EFR3A: variants seen among roughly 807,000 people sequenced by gnomAD.
EFR3A encodes the protein EFR3 homolog A, also known as protein EFR3 homolog A.
Under a neutral mutation model 104.4 loss-of-function variants are expected in EFR3A, and 76 were observed. The observed-to-expected ratio is 0.73, with a 90% CI of 0.60 to 0.88. EFR3A has a LOEUF of 0.88. Ranked by LOEUF, EFR3A falls within the 40% of genes least tolerant of loss-of-function variation. The pLI is 0.00. For synonymous variants in EFR3A, 330 were observed against 330.0 expected (o/e 1.00, Z 0.00); for missense variants, 985 against 1,012.5 (o/e 0.97, Z 0.37).
At chr8:131,949,292 C>T (rs767312835) in intron 4 of EFR3A, among the ~76,000 whole-genome samples, 203 of 151,984 alleles carry the variant, frequency 1.3e-3, no homozygotes, top group Non-Finnish European at 2.0e-3. Flanking sequence ...ATATTATTTT[C>T]ATTTTATAGA....
At chr8:131,949,063 T>G (rs559326779) in intron 4 of EFR3A, among the ~76,000 whole-genome samples, 1 of 152,158 alleles carries the variant, frequency 6.6e-6, no homozygotes, top group South Asian at 2.1e-4. Flanking sequence ...GTGTGGAGCA[T>G]AATATAGTAT....
chr8:131,925,027 G>A (rs1817232627), intron 1 of EFR3A, among the ~76,000 whole-genome samples: 2 of 152,106 alleles, frequency 1.3e-5, no homozygotes, highest in Admixed American at 6.6e-5. Flanking sequence ...GAGTTGGAAT[G>A]TCATGTGCTT....
intron 1 of EFR3A, among the ~76,000 whole-genome samples, chr8:131,911,408 A>C (rs1389808108): frequency 6.6e-6 from 1 of 152,218 alleles, no homozygotes; most frequent in African/African-American, 2.4e-5. Flanking sequence ...GAAGAGAGTT[A>C]GTTTAAGAAT....
chr8:131,922,486 A>C (rs1817090479), intron 1 of EFR3A, among the ~76,000 whole-genome samples: 1 of 152,168 alleles, frequency 6.6e-6, no homozygotes, highest in Non-Finnish European at 1.5e-5. Flanking sequence ...TAAAAATCTG[A>C]AACACTTCTG....
rs1185442281 is a variant in EFR3A at position 131,957,350 on chromosome 8, C to CTT, written c.776+1462_776+1463dup. On this transcript the variant is annotated intron_variant, in intron 7 of 22. Coordinates refer to ENST00000254624, the MANE Select transcript of EFR3A (RefSeq NM_015137.6). ...TAATTTGAAGATTTAGGGCCAGGGT[C>CTT]TTTTTTTTTTTTTTTTTTGAGACAG... Among the ~76,000 whole-genome samples, 31 of 125,956 alleles carry CTT rather than the reference C, an allele frequency of 2.5e-4. 1 individual carries two copies. Among genetic ancestry groups the CTT allele is most frequent in the African/African-American group, 6.3e-4 (21 of 33,430 alleles). 82.6% of individuals were successfully genotyped at this position (125,956 alleles called of 152,430 possible).
chr8:131,958,839 G>C (rs541976957), intron 7 of EFR3A, among the ~76,000 whole-genome samples: 19 of 152,260 alleles, frequency 1.2e-4, no homozygotes, highest in East Asian at 7.7e-4. Flanking sequence ...CACTTATCAA[G>C]TGCTGGCTGC....
chr8:131,977,842 CTA>C (rs1820403879), intron 12 of EFR3A, among the ~76,000 whole-genome samples: 1 of 151,978 alleles, frequency 6.6e-6, no homozygotes, highest in African/African-American at 2.4e-5. Context: ...TCAGTTTTTT[CTA>C]TATGTTTTGC....
intron 5 of EFR3A, among the ~76,000 whole-genome samples, chr8:131,952,269 A>G (rs1227221564): frequency 1.3e-5 from 2 of 152,128 alleles, no homozygotes; most frequent in African/African-American, 4.8e-5. Context: ...ACTCATTTAA[A>G]TTGTTCAACA....
chr8:131,942,968 G>A (rs1586576337), intron 2 of EFR3A, among the ~76,000 whole-genome samples: 1 of 152,020 alleles, frequency 6.6e-6, no homozygotes, highest in Admixed American at 6.6e-5. Context: ...AAGAGGGAGA[G>A]ATGGCCTGCA....
chr8:131,965,909 T>C (rs1466910266), intron 8 of EFR3A, among the ~76,000 whole-genome samples: 1 of 151,984 alleles, frequency 6.6e-6, no homozygotes, highest in Non-Finnish European at 1.5e-5. Context: ...ATGTCCTTTG[T>C]AGGGACATGG....
At chr8:131,966,728 T>A (rs1224366450) in intron 8 of EFR3A, among the ~76,000 whole-genome samples, 1 of 152,180 alleles carries the variant, frequency 6.6e-6, no homozygotes, top group Non-Finnish European at 1.5e-5. Context: ...CCAGGGCTTA[T>A]GTACTTCACC....
intron 19 of EFR3A, among the ~76,000 whole-genome samples, chr8:132,000,571 T>G (rs1340390107): frequency 6.6e-6 from 1 of 152,228 alleles, no homozygotes; most frequent in Non-Finnish European, 1.5e-5. Flanking sequence ...AAAAATTATA[T>G]GTATCAAGAA....
intron 1 of EFR3A, among the ~76,000 whole-genome samples, chr8:131,916,897 A>C (rs188044489): frequency 6.6e-6 from 1 of 152,318 alleles, no homozygotes; most frequent in Admixed American, 6.5e-5. Flanking sequence ...GTTGTGTCTC[A>C]GCCGTGGCAG....
intron 2 of EFR3A, among the ~76,000 whole-genome samples, chr8:131,941,088 A>G (rs1248475887): frequency 6.6e-6 from 1 of 152,166 alleles, no homozygotes; most frequent in Non-Finnish European, 1.5e-5. Flanking sequence ...GCCTGGAGGA[A>G]ATAAAATCTA....
chr8:131,927,687 A>T (rs1262004495), intron 1 of EFR3A, among the ~76,000 whole-genome samples: 1 of 152,206 alleles, frequency 6.6e-6, no homozygotes, highest in Non-Finnish European at 1.5e-5. Context: ...CGTGTGTGCC[A>T]ATCAGTTACC....
At chr8:131,950,308 A>G (rs1308173858) in intron 5 of EFR3A, among the ~76,000 whole-genome samples, 2 of 152,130 alleles carry the variant, frequency 1.3e-5, no homozygotes, top group Non-Finnish European at 2.9e-5. Context: ...ATGTCTCTTC[A>G]TGCCCTGCTT....
intron 18 of EFR3A, 43 bp downstream of exon 18, chr8:131,987,745 A>AT: frequency 1.1e-5 from 17 of 1,535,040 alleles, no homozygotes; most frequent in Non-Finnish European, 1.4e-5. Context: ...GTGATTGCTT[A>AT]TGTTATAGTA....
intron 10 of EFR3A, among the ~76,000 whole-genome samples, chr8:131,975,196 G>A (rs1485928753): frequency 2.0e-5 from 3 of 152,070 alleles, no homozygotes; most frequent in Non-Finnish European, 4.4e-5. Flanking sequence ...TATGTATGTT[G>A]AATTAATTCA....
Position 132,004,104 on chromosome 8 carries a change from G to A in EFR3A, c.2360+819G>A, listed in dbSNP as rs542177241. On this transcript the variant is annotated intron_variant, in intron 22 of 22. Transcript: ENST00000254624. The stretch of plus-strand genomic sequence containing the variant: ...TTCAGTCTTTTTTCTGCTTTCATAA[G>A]CAAGGCACATTTTTGTCATTATATA... Among the ~76,000 whole-genome samples the A allele has an allele frequency of 2.6e-5, 4 of 152,202 alleles. No homozygotes were observed. In the South Asian group the frequency reaches 8.3e-4, roughly 32 times the overall value.
Sources: gnomAD v4.1 joint callset for allele counts (sites outside exome capture counted in the v4.1 genomes callset) on GRCh38, gnomAD v4.1.1 for gene constraint, MANE v1.5 for transcripts, NCBI Gene and HGNC (gene_info 2026-07-23, HGNC 2026-07-21) for gene names.